MAN1A1: variants seen among roughly 807,000 people sequenced by gnomAD.
MAN1A1 encodes the protein mannosyl-oligosaccharide 1,2-alpha-mannosidase IA.
MAN1A1 carries 29 observed loss-of-function variants against 70.8 expected under a neutral mutation model. The observed-to-expected ratio is 0.41, with a 90% CI of 0.31 to 0.56. MAN1A1 has a LOEUF of 0.56. Ranked by LOEUF, MAN1A1 falls within the 20% of genes least tolerant of loss-of-function variation. The probability of loss-of-function intolerance (pLI) is 0.29; values close to 1 mark genes in which losing one functional copy is unlikely to be tolerated. For missense variants in MAN1A1, 747 were observed against 841.3 expected, an observed-to-expected ratio of 0.89 and a Z score of 1.39; for synonymous variants, 349 against 330.1, an observed-to-expected ratio of 1.06 and a Z score of -0.62.
chr6:119,243,170 G>A (rs1394451946), intron 6 of MAN1A1, among the ~76,000 whole-genome samples: 1 of 152,024 alleles, frequency 6.6e-6, no homozygotes, highest in African/African-American at 2.4e-5. Flanking sequence ...CACTGCTACA[G>A]AACATTTTTA....
At chr6:119,294,573 A>G (rs1179295800) in intron 4 of MAN1A1, among the ~76,000 whole-genome samples, 2 of 152,132 alleles carry the variant, frequency 1.3e-5, no homozygotes, top group Non-Finnish European at 2.9e-5. Context: ...ACACAGTCTT[A>G]CATCAGTGGC....
intron 5 of MAN1A1, among the ~76,000 whole-genome samples, chr6:119,264,311 T>G (rs1446758867): frequency 1.3e-5 from 2 of 152,210 alleles, no homozygotes; most frequent in Non-Finnish European, 2.9e-5. Flanking sequence ...CTCAGGTAAT[T>G]CGAAAGGAAT....
chr6:119,235,177 A>G (rs1774807505), intron 6 of MAN1A1, among the ~76,000 whole-genome samples: 1 of 152,232 alleles, frequency 6.6e-6, no homozygotes, highest in Non-Finnish European at 1.5e-5. Context: ...ATGGACTCTG[A>G]GTGTTCACAT....
At chr6:119,244,149 AC>A (rs1369312495) in intron 6 of MAN1A1, among the ~76,000 whole-genome samples, 5 of 152,088 alleles carry the variant, frequency 3.3e-5, no homozygotes, top group Non-Finnish European at 7.4e-5. Context: ...GACTTGAATT[AC>A]CTTTGCAAAT....
chr6:119,183,955 T>A (rs1289602181), intron 11 of MAN1A1, among the ~76,000 whole-genome samples: 2 of 151,754 alleles, frequency 1.3e-5, no homozygotes, highest in East Asian at 3.9e-4. Context: ...GCTTCAGAGG[T>A]TTAGAGAGGC....
intron 4 of MAN1A1, among the ~76,000 whole-genome samples, chr6:119,296,220 A>C (rs1772213224): frequency 1.3e-5 from 2 of 152,192 alleles, no homozygotes; most frequent in African/African-American, 4.8e-5. Context: ...CTGCTAACAA[A>C]GTCCAAGTTC....
At chr6:119,231,457 AACTGTGAGTC>A (rs1381873700) in intron 6 of MAN1A1, among the ~76,000 whole-genome samples, 1 of 152,188 alleles carries the variant, frequency 6.6e-6, no homozygotes, top group Non-Finnish European at 1.5e-5. Flanking sequence ...AGCAATGCGG[AACTGTGAGTC>A]AATTAAATCT....
rs3798632 is a variant in MAN1A1, at chr6:119,310,475, C to G, written c.604-3483G>C. Among the ~76,000 whole-genome samples the G allele has an allele frequency of 5.9e-3, 895 of 152,278 alleles. 30 individuals are homozygous for G. The East Asian group carries it at 0.09, about 15-fold the overall frequency. On this transcript the variant is annotated intron_variant, in intron 2 of 12. Coordinates refer to ENST00000368468, the MANE Select transcript of MAN1A1 (RefSeq NM_005907.4). ...TTTGTAGGATGTGATGCTGGCCCAG[C>G]TGAATGAACCAGGGCCTGGTGCCCA...
At chr6:119,310,634 T>C (rs1772676924) in intron 2 of MAN1A1, among the ~76,000 whole-genome samples, 1 of 151,960 alleles carries the variant, frequency 6.6e-6, no homozygotes, top group Non-Finnish European at 1.5e-5. Flanking sequence ...TGGGAAACAT[T>C]CAGAGAGAAC....
intron 4 of MAN1A1, among the ~76,000 whole-genome samples, chr6:119,298,504 T>C (rs1305429390): frequency 6.6e-6 from 1 of 152,212 alleles, no homozygotes; most frequent in Non-Finnish European, 1.5e-5. Flanking sequence ...AATTTGTTTA[T>C]ACTTAGGAGC....
chr6:119,198,421 T>C (rs1433794804), intron 8 of MAN1A1, among the ~76,000 whole-genome samples: 1 of 152,108 alleles, frequency 6.6e-6, no homozygotes, highest in Non-Finnish European at 1.5e-5. Context: ...ACACAAGTTG[T>C]TTTATCCCTA....
rs62418671 is a variant in MAN1A1, at chr6:119,339,593, A to T, written c.603+8870T>A. ...TACTTAGTGACTGATAAAACTATGA[A>T]GGATTTGTTTTTTTTTTTCTACTCT... On this transcript the variant is annotated intron_variant, in intron 2 of 12. Coordinates refer to ENST00000368468, the MANE Select transcript of MAN1A1 (RefSeq NM_005907.4). 6.3e-3 allele frequency among the ~76,000 whole-genome samples: 964 copies of T among 152,170 alleles called. 14 individuals are homozygous for T. The highest frequency in any genetic ancestry group is 0.044 in the South Asian group (211 of 4,814).
At chr6:119,295,921 T>A (rs565462683) in intron 4 of MAN1A1, among the ~76,000 whole-genome samples, 1 of 152,194 alleles carries the variant, frequency 6.6e-6, no homozygotes, top group East Asian at 1.9e-4. Flanking sequence ...TAACACATGA[T>A]AACGATACTT....
chr6:119,215,523 C>T (rs1774175580), intron 6 of MAN1A1, among the ~76,000 whole-genome samples: 1 of 152,108 alleles, frequency 6.6e-6, no homozygotes, highest in African/African-American at 2.4e-5. Flanking sequence ...TAGACTAATA[C>T]CAGACTTTTC....
At chr6:119,232,282 A>G (rs1400014400) in intron 6 of MAN1A1, among the ~76,000 whole-genome samples, 1 of 151,468 alleles carries the variant, frequency 6.6e-6, no homozygotes, top group African/African-American at 2.4e-5. Flanking sequence ...CTGAGGCAAG[A>G]GAATGGAGTG....
intron 5 of MAN1A1, among the ~76,000 whole-genome samples, chr6:119,289,245 C>T (rs188067721): frequency 7.2e-5 from 11 of 151,904 alleles, no homozygotes; most frequent in African/African-American, 2.4e-4. Context: ...CAAAAGGATG[C>T]AATCCTTATT....
chr6:119,307,251 C>A (rs1016951163), intron 2 of MAN1A1, among the ~76,000 whole-genome samples: 27 of 152,230 alleles, frequency 1.8e-4, no homozygotes, highest in African/African-American at 6.0e-4. Context: ...AATGCAAATA[C>A]CATTTTCAAA....
chr6:119,226,844 T>C (rs1333286925), intron 6 of MAN1A1, among the ~76,000 whole-genome samples: 1 of 119,870 alleles, frequency 8.3e-6, no homozygotes, highest in Admixed American at 8.0e-5. Context: ...CTAATTTATA[T>C]ATTTTTTAGT....
intron 4 of MAN1A1, among the ~76,000 whole-genome samples, chr6:119,295,935 T>C (rs1053581481): frequency 6.6e-6 from 1 of 152,188 alleles, no homozygotes; most frequent in African/African-American, 2.4e-5. Context: ...GATACTTTAA[T>C]CAATGGCTTT....
Sources: gnomAD v4.1 joint callset for allele counts (sites outside exome capture counted in the v4.1 genomes callset) on GRCh38, gnomAD v4.1.1 for gene constraint, MANE v1.5 for transcripts, NCBI Gene and HGNC (gene_info 2026-07-23, HGNC 2026-07-21) for gene names.